RANBP17: variants seen among roughly 807,000 people sequenced by gnomAD.
The protein encoded by RANBP17 is RAN binding protein 17, also known as ran-binding protein 17.
Under a neutral mutation model 141.2 loss-of-function variants are expected in RANBP17, and 158 were observed. That is an observed-to-expected ratio of 1.12 (90% confidence interval 0.98 to 1.28). RANBP17 has a LOEUF of 1.28. RANBP17 is among the 50% of genes most tolerant of loss of function. RANBP17 has a pLI of 0.00. For synonymous variants in RANBP17, 430 were observed against 450.0 expected, an observed-to-expected ratio of 0.96 and a Z score of 0.56; for missense variants, 1,438 against 1,290.7, an observed-to-expected ratio of 1.11 and a Z score of -1.75.
chr5:171,058,727 G>A (rs999384051), intron 14 of RANBP17, among the ~76,000 whole-genome samples: 68 of 150,906 alleles, frequency 4.5e-4, no homozygotes, highest in Non-Finnish European at 4.1e-4. Flanking sequence ...GATCCCTGAG[G>A]AATCGCCACA....
chr5:171,243,196 C>A (rs1561794602), intron 24 of RANBP17: 1 of 172,488 alleles, frequency 5.8e-6, no homozygotes, highest in African/African-American at 2.4e-5. Flanking sequence ...TCCCTTCCCC[C>A]TACCTCTCAC....
chr5:171,189,831 T>C (rs1761507176), intron 18 of RANBP17, among the ~76,000 whole-genome samples: 3 of 152,250 alleles, frequency 2.0e-5, no homozygotes, highest in Admixed American at 1.3e-4. Context: ...TCAGAATTTC[T>C]GTATATATGG....
intron 14 of RANBP17, among the ~76,000 whole-genome samples, chr5:171,104,872 A>G (rs374466976): frequency 6.6e-6 from 1 of 152,202 alleles, no homozygotes; most frequent in Admixed American, 6.5e-5. Flanking sequence ...TGTCATTGCT[A>G]TTACAAATAT....
At position 170,916,571 on chromosome 5, in the gene RANBP17, T is replaced by TTGC; in HGVS notation, c.943_944insCTG (p.Leu314_Glu315insAla). 1 of 1,559,524 alleles carries TTGC rather than the reference T, an allele frequency of 6.4e-7. No individual in the cohort carries two copies. The highest frequency in any genetic ancestry group is 1.2e-5 in the South Asian group (1 of 82,574). On this transcript the variant is annotated inframe_insertion, in exon 9 of 28. Coordinates refer to ENST00000523189, the MANE Select transcript of RANBP17 (RefSeq NM_022897.5). The stretch of plus-strand genomic sequence containing the variant: ...TTAATTAAGGGAGTAAAAAGGATAC[T>TTGC]TGAAAACCCTCAGGTATTTATGAAG...
At chr5:170,955,566 TA>T (rs1775577050) in intron 13 of RANBP17, among the ~76,000 whole-genome samples, 2 of 85,870 alleles carry the variant, frequency 2.3e-5, no homozygotes, top group Non-Finnish European at 4.7e-5. Flanking sequence ...TATATATATA[TA>T]TGCTCAGTCT....
intron 14 of RANBP17, among the ~76,000 whole-genome samples, chr5:171,018,553 T>C (rs1387888469): frequency 2.6e-5 from 4 of 152,324 alleles, no homozygotes; most frequent in Non-Finnish European, 5.9e-5. Context: ...TTTGGCTCTC[T>C]GCTAGTCTAT....
chr5:170,863,014 C>T (rs1224847054), intron 1 of RANBP17, among the ~76,000 whole-genome samples: 2 of 152,148 alleles, frequency 1.3e-5, no homozygotes, highest in Admixed American at 1.3e-4. Context: ...ATTCTTTGAG[C>T]CTCCATTCTT....
intron 14 of RANBP17, among the ~76,000 whole-genome samples, chr5:171,166,426 GT>G (rs201095384): frequency 0.083 from 11,989 of 144,788 alleles, 694 homozygotes; most frequent in African/African-American, 0.17. Flanking sequence ...CTGAAAGTGA[GT>G]TTTTTTTTTT....
intron 14 of RANBP17, among the ~76,000 whole-genome samples, chr5:171,137,608 G>GTGTGTGTGTGTT (rs1554103829): frequency 7.0e-6 from 1 of 143,728 alleles, no homozygotes; most frequent in Admixed American, 7.0e-5. Context: ...GTGTGTGTCT[G>GTGTGTGTGTGTT]TGTGTGTGTG....
chr5:170,897,667 T>G (rs1321774193), intron 5 of RANBP17, among the ~76,000 whole-genome samples: 1 of 152,014 alleles, frequency 6.6e-6, no homozygotes, highest in Non-Finnish European at 1.5e-5. Flanking sequence ...AGTGTTTGGT[T>G]TTCTGTTCCT....
intron 13 of RANBP17, among the ~76,000 whole-genome samples, chr5:170,958,025 A>G (rs1175943567): frequency 1.3e-5 from 2 of 152,200 alleles, no homozygotes; most frequent in African/African-American, 4.8e-5. Context: ...AATGAGAACC[A>G]ACTATGTAAG....
chr5:170,952,550 A>G (rs1430361946), intron 12 of RANBP17, among the ~76,000 whole-genome samples: 1 of 152,010 alleles, frequency 6.6e-6, no homozygotes, highest in Non-Finnish European at 1.5e-5. Context: ...TCCATGGGAG[A>G]ACAGAAAGAA....
At chr5:171,123,409 A>G (rs187711738) in intron 14 of RANBP17, among the ~76,000 whole-genome samples, 116 of 152,356 alleles carry the variant, frequency 7.6e-4, no homozygotes, top group African/African-American at 2.6e-3. Context: ...GCCAATGCCA[A>G]TGCTGGCACA....
Position 170,871,577 on chromosome 5 carries a change from C to T in RANBP17, c.19-6520C>T, listed in dbSNP as rs148666825. Among the ~76,000 whole-genome samples the T allele has an allele frequency of 2.3e-3, 345 of 152,262 alleles. 1 individual carries two copies. Among genetic ancestry groups the T allele is most frequent in the African/African-American group, 7.4e-3 (306 of 41,560 alleles). On this transcript the variant is annotated intron_variant, in intron 1 of 27. Transcript: ENST00000523189. ...TTGTTGCAACTGCTTTTGGCAATTT[C>T]GCCATAAAATCTTTGCCCATGCCTA...
intron 14 of RANBP17, among the ~76,000 whole-genome samples, chr5:170,984,868 T>C (rs1422027308): frequency 6.6e-6 from 1 of 152,202 alleles, no homozygotes; most frequent in Non-Finnish European, 1.5e-5. Context: ...ATTTTTTATA[T>C]TAAATGTCTA....
At chr5:171,298,105 G>A (rs1291026937) in intron 27 of RANBP17, among the ~76,000 whole-genome samples, 10 of 151,982 alleles carry the variant, frequency 6.6e-5, no homozygotes, top group African/African-American at 2.4e-4. Flanking sequence ...TGATCCACCC[G>A]CCTTGGCCTC....
At chr5:171,212,729 A>G (rs1244083215) in intron 20 of RANBP17, among the ~76,000 whole-genome samples, 1 of 152,224 alleles carries the variant, frequency 6.6e-6, no homozygotes, top group African/African-American at 2.4e-5. Flanking sequence ...GTTGGAAAAC[A>G]TCGGAAAGAG....
At chr5:170,929,914 A>T (rs1208291185) in intron 12 of RANBP17, among the ~76,000 whole-genome samples, 1 of 152,124 alleles carries the variant, frequency 6.6e-6, no homozygotes, top group Non-Finnish European at 1.5e-5. Flanking sequence ...CTTGGGGTCA[A>T]ATTTAGTCAT....
At chr5:170,968,190 T>C in intron 13 of RANBP17, 52 bp from the exon 14 acceptor site, 1 of 1,306,948 alleles carries the variant, frequency 7.7e-7, no homozygotes. Flanking sequence ...TTTAATGTTG[T>C]TTCTCTAAGG....
Sources: allele counts gnomAD v4.1 joint callset (sites outside exome capture counted in the v4.1 genomes callset), GRCh38; gene constraint gnomAD v4.1.1; transcripts MANE v1.5; gene names NCBI Gene and HGNC (gene_info 2026-07-23, HGNC 2026-07-21).